Variants in MFSD1 observed in about 807,000 individuals in gnomAD.
The protein encoded by MFSD1 is major facilitator superfamily domain containing 1.
MFSD1 carries 59 observed loss-of-function variants against 67.1 expected under a neutral mutation model. That is an observed-to-expected ratio of 0.88 (90% confidence interval 0.71 to 1.09). The LOEUF is 1.09. Ranked by LOEUF, MFSD1 falls within the 50% of genes least tolerant of loss-of-function variation. The pLI, the probability that MFSD1 is intolerant of heterozygous loss-of-function variation, is 0.00. For synonymous variants in MFSD1, 213 were observed against 200.3 expected, an observed-to-expected ratio of 1.06 and a Z score of -0.54; for missense variants, 552 against 566.1, an observed-to-expected ratio of 0.97 and a Z score of 0.25.
At chr3:158,821,204 G>A (rs1730652065) in intron 9 of MFSD1, among the ~76,000 whole-genome samples, 1 of 152,154 alleles carries the variant, frequency 6.6e-6, no homozygotes, top group Non-Finnish European at 1.5e-5. Flanking sequence ...TAAGGGTATG[G>A]TTTATACCCT....
chr3:158,819,663 A>G lies in MFSD1; in HGVS notation c.667A>G (p.Ile223Val). Reference protein sequence around the residue: ...ITLMIGGITCILSLICALALA... With the variant: ...ITLMIGGITCVLSLICALALA... ...TTTTTATTTAGGGGGTATAACGTGT[A>G]TTCTTTCACTAATCTGTGCCTTGGC... Residue 223 changes from isoleucine to valine, a missense_variant, in exon 8 of 16, where the codon ATT (isoleucine) becomes GTT (valine). Physicochemically the swap from Ile to Val is conservative, Grantham distance 29. Coordinates refer to ENST00000415822, the MANE Select transcript of MFSD1 (RefSeq NM_022736.4). 2 of 1,559,658 alleles carry G rather than the reference A, an allele frequency of 1.3e-6. No individual in the cohort carries two copies. Among genetic ancestry groups the G allele is most frequent in the Non-Finnish European group, 1.7e-6 (2 of 1,142,884 alleles).
At chr3:158,806,221 T>G (rs1729719533) in intron 3 of MFSD1, among the ~76,000 whole-genome samples, 1 of 152,188 alleles carries the variant, frequency 6.6e-6, no homozygotes, top group African/African-American at 2.4e-5. Flanking sequence ...AGTTAAAATA[T>G]GAAGGAAGAA....
In MFSD1 at chr3:158,824,135, T is replaced by G; in HGVS notation, c.1187T>G (p.Ile396Ser). ...TTCTTCCATTGTAGCATGCAGTCCATTCAGAATCTTGGGTTGGCCATCATT... is the reference window on the plus strand; with the variant it reads ...TTCTTCCATTGTAGCATGCAGTCCAGTCAGAATCTTGGGTTGGCCATCATT... Reference protein sequence around the residue: ...LGTAYGFMQSIQNLGLAIISI... With the variant: ...LGTAYGFMQSSQNLGLAIISI... Residue 396 changes from isoleucine (I) to serine (S), a missense_variant, in exon 13 of 16, where the codon ATT becomes AGT. Physicochemically the swap from Ile to Ser is moderately radical, Grantham distance 142. Transcript: ENST00000415822. The G allele has an allele frequency of 6.2e-7, 1 of 1,612,374 alleles. No individual in the cohort carries two copies. The highest frequency in any genetic ancestry group is 8.5e-7 in the Non-Finnish European group (1 of 1,179,062).
intron 7 of MFSD1, among the ~76,000 whole-genome samples, chr3:158,818,788 G>GT (rs1340187787): frequency 6.6e-6 from 1 of 152,030 alleles, no homozygotes; most frequent in Non-Finnish European, 1.5e-5. Context: ...AAGCTTCTTA[G>GT]TATTCCATCT....
At chr3:158,820,817 T>G (rs1156296108) in intron 9 of MFSD1, among the ~76,000 whole-genome samples, 1 of 152,182 alleles carries the variant, frequency 6.6e-6, no homozygotes, top group Admixed American at 6.5e-5. Flanking sequence ...CTCCCATGAT[T>G]CAATTACCTT....
At chr3:158,802,363 T>G (rs755083674) in intron 1 of MFSD1, 48 bp downstream of exon 1, 8 of 1,604,894 alleles carry the variant, frequency 5.0e-6, no homozygotes, top group Non-Finnish European at 6.0e-6. Flanking sequence ...AATTCCCGAC[T>G]TTCTCTTCGA....
chr3:158,819,812 T>C (rs768174743), intron 8 of MFSD1, 65 bp downstream of exon 8: 152 of 867,624 alleles, frequency 1.8e-4, no homozygotes, highest in Non-Finnish European at 2.6e-4. Context: ...TATAATGAGA[T>C]CTAAGTTCCT....
At chr3:158,813,865 T>G in intron 6 of MFSD1, 100 bp from the exon 7 acceptor site, 3 of 663,346 alleles carry the variant, frequency 4.5e-6, no homozygotes, top group Non-Finnish European at 7.2e-6. Context: ...CCTGTTCAAT[T>G]TGGATCCTAC....
At chr3:158,814,144 A>G in intron 7 of MFSD1, 77 bp downstream of exon 7, 1 of 1,098,850 alleles carries the variant, frequency 9.1e-7, no homozygotes, top group Non-Finnish European at 1.4e-6. Flanking sequence ...GGAGGAAGGC[A>G]CACTGGAATT....
Position 158,829,079 on chromosome 3 carries a change from TAATGGACTGGA to T in MFSD1, c.*100_*110del, listed in dbSNP as rs1483841711. On this transcript the variant is annotated 3_prime_UTR_variant, in exon 16 of 16. Transcript: ENST00000415822. ...TTTAGAGTTTAGTCATTAGAAAAAA[TAATGGACTGGA>T]AAGTTATATTTATATCCAAATATAC... 26 of 1,187,424 alleles carry T rather than the reference TAATGGACTGGA, an allele frequency of 2.2e-5. No homozygotes were observed. The highest frequency in any genetic ancestry group is 3.1e-5 in the Non-Finnish European group (26 of 835,920). 73.6% of individuals were successfully genotyped at this position (1,187,424 alleles called of 1,614,324 possible).
chr3:158,818,346 T>C (rs1271569204), intron 7 of MFSD1, among the ~76,000 whole-genome samples: 1 of 152,190 alleles, frequency 6.6e-6, no homozygotes, highest in Admixed American at 6.5e-5. Context: ...TCTATCACTT[T>C]TTTGTAGTGA....
At chr3:158,808,939 G>T in intron 5 of MFSD1, 1 of 390,696 alleles carries the variant, frequency 2.6e-6, no homozygotes, top group Non-Finnish European at 4.6e-6. Context: ...CTCCAAGTGC[G>T]AGTGTCGGAG....
rs762273743 is a variant in MFSD1 at position 158,820,338 on chromosome 3, CTA to C, written c.863+14_863+15del. ...ATTGGACTTGGGAAGTGAGTATTCT[CTA>C]TGTTTCCATTATTTCTTGTCTAAAT... On this transcript the variant is annotated intron_variant, in intron 9 of 15. Transcript: ENST00000415822. 41 of 1,511,020 alleles carry C rather than the reference CTA, an allele frequency of 2.7e-5. 1 individual carries two copies. Among genetic ancestry groups the C allele is most frequent in the Non-Finnish European group, 3.6e-5 (39 of 1,087,534 alleles). 93.6% of individuals were successfully genotyped at this position (1,511,020 alleles called of 1,614,324 possible).
chr3:158,803,823 A>G (rs1317135137), intron 1 of MFSD1, among the ~76,000 whole-genome samples: 1 of 151,760 alleles, frequency 6.6e-6, no homozygotes, highest in Non-Finnish European at 1.5e-5. Context: ...CTGGCCCTGT[A>G]TTCACTAAAT....
chr3:158,823,073 C>T (rs1187112319), intron 11 of MFSD1: 2 of 249,484 alleles, frequency 8.0e-6, no homozygotes, highest in Non-Finnish European at 8.0e-6. Flanking sequence ...TCTGTAACTC[C>T]TAATAAATAC....
intron 1 of MFSD1, among the ~76,000 whole-genome samples, chr3:158,802,935 T>G (rs1484334100): frequency 2.0e-5 from 3 of 152,164 alleles, no homozygotes; most frequent in Non-Finnish European, 2.9e-5. Flanking sequence ...ACGTGAATGA[T>G]TTCGTCGGCA....
intron 3 of MFSD1, 147 bp downstream of exon 3, chr3:158,805,621 C>A: frequency 1.4e-6 from 1 of 694,730 alleles, no homozygotes; most frequent in South Asian, 1.8e-5. Context: ...ATTTTTATAT[C>A]TCTGGAGTTG....
intron 1 of MFSD1, 102 bp from the exon 2 acceptor site, chr3:158,804,217 C>T: frequency 1.4e-6 from 1 of 732,112 alleles, no homozygotes; most frequent in Non-Finnish European, 2.2e-6. Flanking sequence ...GTAGTGTCAA[C>T]CCGTAGTATC....
At chr3:158,807,577 C>G (rs1159921060) in intron 5 of MFSD1, 114 bp downstream of exon 5, 1 of 845,544 alleles carries the variant, frequency 1.2e-6, no homozygotes, top group Non-Finnish European at 1.9e-6. Flanking sequence ...TCTTTGAAAC[C>G]TAGCTTCATA....
Sources: gnomAD v4.1 joint callset for allele counts (sites outside exome capture counted in the v4.1 genomes callset) on GRCh38, gnomAD v4.1.1 for gene constraint, MANE v1.5 for transcripts, NCBI Gene and HGNC (gene_info 2026-07-23, HGNC 2026-07-21) for gene names.